Variants in ESRRG observed in about 807,000 individuals in gnomAD.
ESRRG encodes the protein estrogen-related receptor gamma.
ESRRG carries 13 observed loss-of-function variants against 44.0 expected under a neutral mutation model. That is an observed-to-expected ratio of 0.30 (90% CI 0.19 to 0.47). The LOEUF (loss-of-function observed/expected upper bound fraction) is 0.47, where lower values mean the gene tolerates loss of function less well. Among genes scored for constraint, ESRRG ranks in the 20% least tolerant of loss-of-function variants. The pLI, the probability that ESRRG is intolerant of heterozygous loss-of-function variation, is 1.00. For synonymous variants in ESRRG, 215 were observed against 214.6 expected, an observed-to-expected ratio of 1.00 and a Z score of -0.02; for missense variants, 395 against 580.6, an observed-to-expected ratio of 0.68 and a Z score of 3.29.
intron 2 of ESRRG, among the ~76,000 whole-genome samples, chr1:216,659,474 T>C (rs942626922): frequency 3.3e-5 from 5 of 152,296 alleles, no homozygotes; most frequent in Middle Eastern, 6.8e-3. Context: ...ACACAGTGCC[T>C]ATCGCTGGGT....
chr1:217,069,082 A>G (rs964130914), intron 1 of ESRRG, among the ~76,000 whole-genome samples: 1 of 152,208 alleles, frequency 6.6e-6, no homozygotes, highest in Non-Finnish European at 1.5e-5. Flanking sequence ...GGAAATTAAC[A>G]TTTGAGTCAG....
At chr1:217,133,767 T>TCCTTC (rs1369247304) in intron 1 of ESRRG, among the ~76,000 whole-genome samples, 5 of 151,820 alleles carry the variant, frequency 3.3e-5, no homozygotes, top group African/African-American at 1.2e-4. Context: ...TTCTCTCCTT[T>TCCTTC]CCTTCCCTTC....
chr1:216,694,512 T>C (rs1188371486), intron 1 of ESRRG, among the ~76,000 whole-genome samples: 1 of 152,092 alleles, frequency 6.6e-6, no homozygotes, highest in African/African-American at 2.4e-5. Context: ...TCAGCCAGTT[T>C]GTGTTTCTTT....
At chr1:216,912,235 G>A (rs2060535840) in intron 2 of ESRRG, among the ~76,000 whole-genome samples, 2 of 62,700 alleles carry the variant, frequency 3.2e-5, no homozygotes, top group African/African-American at 6.0e-5. Context: ...GGAGAGGAGA[G>A]GAGAGGAGAG....
At chr1:216,514,786 T>A (rs2043706547) in intron 6 of ESRRG, among the ~76,000 whole-genome samples, 1 of 152,118 alleles carries the variant, frequency 6.6e-6, no homozygotes, top group Non-Finnish European at 1.5e-5. Context: ...TGCACAGGCA[T>A]GTTGTGGGAA....
chr1:216,917,943 G>A (rs565696785), intron 2 of ESRRG, among the ~76,000 whole-genome samples: 1 of 152,228 alleles, frequency 6.6e-6, no homozygotes, highest in South Asian at 2.1e-4. Context: ...GATTTCCACT[G>A]CCTCAATTTT....
chr1:216,718,803 T>C (rs1167052395), intron 1 of ESRRG, among the ~76,000 whole-genome samples: 1 of 152,006 alleles, frequency 6.6e-6, no homozygotes. Context: ...TTCCATGAAT[T>C]TGCTATGAAG....
At chr1:216,710,834 T>C (rs1011356051) in intron 1 of ESRRG, among the ~76,000 whole-genome samples, 1 of 152,160 alleles carries the variant, frequency 6.6e-6, no homozygotes, top group Non-Finnish European at 1.5e-5. Flanking sequence ...TGATTTCTTT[T>C]TTGATCTTAG....
At chr1:216,951,717 ATGTG>A (rs59233267) in intron 1 of ESRRG, among the ~76,000 whole-genome samples, 7,625 of 143,610 alleles carry the variant, frequency 0.053, 310 homozygotes, top group African/African-American at 0.12. Context: ...AACTATCACT[ATGTG>A]TGTGTGTGTG....
At chr1:216,873,209 G>T (rs373349497) in intron 2 of ESRRG, among the ~76,000 whole-genome samples, 34 of 105,924 alleles carry the variant, frequency 3.2e-4, no homozygotes, top group African/African-American at 6.5e-4. Flanking sequence ...CATCTTTTCA[G>T]TTTTTTTTTT....
At chr1:216,800,862 A>G (rs1390566568) in intron 2 of ESRRG, among the ~76,000 whole-genome samples, 2 of 152,184 alleles carry the variant, frequency 1.3e-5, no homozygotes, top group African/African-American at 4.8e-5. Flanking sequence ...ATGCATTCCG[A>G]CCTTAGGATA....
chr1:216,681,546 A>T (rs1213650128), intron 1 of ESRRG, among the ~76,000 whole-genome samples: 1 of 152,174 alleles, frequency 6.6e-6, no homozygotes, highest in Admixed American at 6.5e-5. Flanking sequence ...CAGGACTTTA[A>T]AAAGCATTTC....
intron 3 of ESRRG, among the ~76,000 whole-genome samples, chr1:216,613,790 C>A (rs2061003818): frequency 6.6e-6 from 1 of 152,156 alleles, no homozygotes; most frequent in African/African-American, 2.4e-5. Flanking sequence ...CGAAAACTAA[C>A]AATGGAAAAT....
Position 216,503,458 on chromosome 1 carries a change from T to C in ESRRG, c.*3481A>G, listed in dbSNP as rs2040669049. On this transcript the variant is annotated 3_prime_UTR_variant, in exon 7 of 7. Coordinates refer to ENST00000408911, the MANE Select transcript of ESRRG (RefSeq NM_001438.4). Reference sequence around the variant, plus strand: ...ACACATCACAAAAATATACAATTGATTGCTTTACAGATGTGAAGCCCATCT... The same window carrying C: ...ACACATCACAAAAATATACAATTGACTGCTTTACAGATGTGAAGCCCATCT... 1 of 152,592 alleles carries C rather than the reference T, an allele frequency of 6.6e-6. No individual in the cohort carries two copies. The highest frequency in any genetic ancestry group is 1.5e-5 in the Non-Finnish European group (1 of 67,998). 9.5% of individuals were successfully genotyped at this position (152,592 alleles called of 1,614,324 possible). A position where few individuals can be genotyped will look rare whatever the true frequency, so the allele number is the denominator to read the frequency against.
chr1:216,665,761 A>G (rs777078345), intron 2 of ESRRG, among the ~76,000 whole-genome samples: 1 of 152,204 alleles, frequency 6.6e-6, no homozygotes, highest in Non-Finnish European at 1.5e-5. Flanking sequence ...TTTTAAGTAT[A>G]AAAGCTAAAA....
intron 3 of ESRRG, among the ~76,000 whole-genome samples, chr1:216,584,560 A>G (rs1297102982): frequency 6.6e-6 from 1 of 151,964 alleles, no homozygotes; most frequent in Non-Finnish European, 1.5e-5. Flanking sequence ...CCGGCCCAAA[A>G]CTTACAAGTT....
At position 216,717,130 on chromosome 1, in the gene ESRRG, C is replaced by G. The variant is rs117434476; in HGVS notation, c.56+6114G>C. 1.4e-3 allele frequency among the ~76,000 whole-genome samples: 213 copies of G among 151,942 alleles called. 1 individual carries two copies. The East Asian group carries it at 0.033, about 24-fold the overall frequency. On this transcript the variant is annotated intron_variant, in intron 1 of 6. Transcript: ENST00000408911. ...AAGGGGAAATTTGTGTATATACACA[C>G]ATATATACAACACTCAATAAATCTA...
chr1:216,989,296 A>G (rs2075318775), intron 1 of ESRRG, among the ~76,000 whole-genome samples: 1 of 151,974 alleles, frequency 6.6e-6, no homozygotes, highest in South Asian at 2.1e-4. Flanking sequence ...CTAAAAAAAT[A>G]CAAAAATTAG....
chr1:217,065,464 C>A (rs952140340), intron 1 of ESRRG, among the ~76,000 whole-genome samples: 1 of 152,210 alleles, frequency 6.6e-6, no homozygotes, highest in African/African-American at 2.4e-5. Flanking sequence ...ACCCATTTCT[C>A]TTTCAAACAT....
Sources: allele counts gnomAD v4.1 joint callset (sites outside exome capture counted in the v4.1 genomes callset), GRCh38; gene constraint gnomAD v4.1.1; transcripts MANE v1.5; gene names NCBI Gene and HGNC (gene_info 2026-07-23, HGNC 2026-07-21).